Variants in ADA2 observed in about 807,000 individuals in gnomAD.
ADA2 encodes the protein adenosine deaminase 2.
ADA2 carries 29 observed loss-of-function variants against 44.2 expected under a neutral mutation model. The ratio of observed to expected loss-of-function variants is 0.66; its 90% CI spans 0.49 to 0.89. ADA2 has a LOEUF of 0.89. ADA2 is among the 40% of genes least tolerant of loss of function. The pLI is 0.00. For synonymous variants in ADA2, 215 were observed against 234.9 expected (o/e 0.92, Z 0.77); for missense variants, 637 against 644.8 (o/e 0.99, Z 0.13).
At chr22:17,183,238 C>A (rs1462269628) in intron 7 of ADA2, among the ~76,000 whole-genome samples, 1 of 152,050 alleles carries the variant, frequency 6.6e-6, no homozygotes, top group Non-Finnish European at 1.5e-5. Flanking sequence ...CACACGCCAC[C>A]ACGCCCAGAT....
chr22:17,202,638 A>G (rs1246875626), intron 4 of ADA2, among the ~76,000 whole-genome samples: 2 of 152,182 alleles, frequency 1.3e-5, no homozygotes, highest in African/African-American at 4.8e-5. Flanking sequence ...CCTAAAAAGA[A>G]ACCTGTGGCC....
chr22:17,199,750 C>T, intron 4 of ADA2: 2 of 1,463,182 alleles, frequency 1.4e-6, no homozygotes. Flanking sequence ...CTTCATCAAG[C>T]TCTTTGACCT....
chr22:17,204,764 C>T (rs1399201003), intron 3 of ADA2, among the ~76,000 whole-genome samples: 4 of 151,856 alleles, frequency 2.6e-5, no homozygotes, highest in Non-Finnish European at 4.4e-5. Flanking sequence ...AGACTTCCAG[C>T]CTCCAGAACC....
chr22:17,196,218 G>A lies in ADA2; in HGVS notation c.754-4408C>T, dbSNP rs568544515. On this transcript the variant is annotated intron_variant, in intron 4 of 9. Coordinates refer to ENST00000399837, the MANE Select transcript of ADA2 (RefSeq NM_001282225.2). Reference sequence around the variant, plus strand: ...TTGCTGTAATCCCAGCTACTCGGGAGGCTGATGCAGGAGAATCACTTGAAC... The same window carrying A: ...TTGCTGTAATCCCAGCTACTCGGGAAGCTGATGCAGGAGAATCACTTGAAC... 4.0e-5 allele frequency among the ~76,000 whole-genome samples: 6 copies of A among 151,796 alleles called. No individual in the cohort carries two copies. In the East Asian group the frequency reaches 9.7e-4, roughly 25 times the overall value.
chr22:17,188,226 CAGGA>C, intron 7 of ADA2, 109 bp downstream of exon 7: 2 of 669,164 alleles, frequency 3.0e-6, no homozygotes, highest in Non-Finnish European at 5.2e-6. Context: ...AGATAGAGCA[CAGGA>C]AAGGGCTCTG....
intron 4 of ADA2, among the ~76,000 whole-genome samples, chr22:17,196,879 G>C (rs781096973): frequency 1.3e-5 from 2 of 152,154 alleles, no homozygotes; most frequent in Non-Finnish European, 2.9e-5. Flanking sequence ...CTGCTTAAAA[G>C]AAGATCTCTG....
intron 4 of ADA2, chr22:17,199,442 C>CCCCACCCTCCCCACCTCTATACTCATA: frequency 9.8e-7 from 1 of 1,022,722 alleles, no homozygotes; most frequent in Non-Finnish European, 1.5e-6. Flanking sequence ...CTATCCTCTT[C>CCCCACCCTCCCCACCTCTATACTCATA]CCCTCCACCC....
At chr22:17,194,757 G>A (rs2123667641) in intron 4 of ADA2, among the ~76,000 whole-genome samples, 1 of 151,946 alleles carries the variant, frequency 6.6e-6, no homozygotes, top group African/African-American at 2.4e-5. Flanking sequence ...TGTTCATTCA[G>A]GATCTAGTAT....
intron 1 of ADA2, among the ~76,000 whole-genome samples, chr22:17,218,479 A>G (rs570669957): frequency 3.2e-4 from 49 of 152,182 alleles, no homozygotes; most frequent in African/African-American, 1.2e-3. Flanking sequence ...GCCTGCTACT[A>G]AAATCTCTAG....
Position 17,193,358 on chromosome 22 carries a change from CAAAAAAAAAAAA to C in ADA2, c.754-1560_754-1549del, listed in dbSNP as rs71200244. 9 of 66,370 alleles carry C rather than the reference CAAAAAAAAAAAA, an allele frequency of 1.4e-4. 1 individual carries two copies. Among genetic ancestry groups the C allele is most frequent in the East Asian group, 5.9e-4 (3 of 5,126 alleles). 4.1% of individuals were successfully genotyped at this position (66,370 alleles called of 1,614,324 possible). On this transcript the variant is annotated intron_variant, in intron 4 of 9. Coordinates refer to ENST00000399837, the MANE Select transcript of ADA2 (RefSeq NM_001282225.2). ...TGTTTAAATAAAACCGTAAAAACTGCAAAAAAAAAAAAAAAAAAAAAAAAAAAGGACAGCGCG... is the reference window on the plus strand; with the variant it reads ...TGTTTAAATAAAACCGTAAAAACTGCAAAAAAAAAAAAAAAGGACAGCGCG...
intron 4 of ADA2, among the ~76,000 whole-genome samples, chr22:17,197,969 C>T (rs923896902): frequency 2.0e-5 from 3 of 150,218 alleles, no homozygotes; most frequent in Non-Finnish European, 4.4e-5. Flanking sequence ...ACCCGGGAGG[C>T]GGAGGTTGCG....
chr22:17,188,270 A>C (rs1237909368), intron 7 of ADA2, 69 bp downstream of exon 7: 3 of 1,145,884 alleles, frequency 2.6e-6, no homozygotes, highest in Non-Finnish European at 3.9e-6. Flanking sequence ...ACCCTGAGGC[A>C]TGGGCCTGTG....
chr22:17,203,497 C>A (rs1408217109), intron 4 of ADA2, 66 bp downstream of exon 4: 4 of 1,299,058 alleles, frequency 3.1e-6, no homozygotes, highest in Non-Finnish European at 3.3e-6. Context: ...AGTCTTCTAC[C>A]AGCTAAGATC....
At chr22:17,199,446 T>TCCCTCCCCTCCCCTATCCCCTTCCCCC in intron 4 of ADA2, 1 of 917,628 alleles carries the variant, frequency 1.1e-6, no homozygotes. Context: ...CCTCTTCCCC[T>TCCCTCCCCTCCCCTATCCCCTTCCCCC]CCACCCACGA....
chr22:17,200,721 A>G (rs1282175678), intron 4 of ADA2, among the ~76,000 whole-genome samples: 3 of 151,940 alleles, frequency 2.0e-5, no homozygotes, highest in Non-Finnish European at 4.4e-5. Flanking sequence ...GTCTCTACTA[A>G]TAATACAAAA....
chr22:17,183,285 A>G lies in ADA2; in HGVS notation c.1082-524T>C, dbSNP rs1313173434. 9.2e-5 allele frequency among the ~76,000 whole-genome samples: 14 copies of G among 152,054 alleles called. No individual in the cohort carries two copies. In the East Asian group the frequency reaches 2.5e-3, roughly 27 times the overall value. ...TTTTTAGTAGAGACAGGGTTTCACC[A>G]TGTTGGCCAGGATGGTCTTGATTTC... is the stretch of plus-strand genomic sequence containing the variant. On this transcript the variant is annotated intron_variant, in intron 7 of 9. Coordinates refer to ENST00000399837, the MANE Select transcript of ADA2 (RefSeq NM_001282225.2).
chr22:17,207,288 C>G lies in ADA2; in HGVS notation c.325G>C (p.Ala109Pro). ...CCAATGTCATGGAGGTGCAAGGCAG[C>G]CCCTGGAGAGGGAAGAAGAATGGTG... ...FNILRMMPKGAALHLHDIGIV... is the reference protein window; with the variant it reads ...FNILRMMPKGPALHLHDIGIV... The change falls in exon 3 of 10, where the codon GCT becomes CCT. Residue 109 changes from alanine (A) to proline (P), a missense_variant and splice_region_variant. Coordinates refer to ENST00000399837, the MANE Select transcript of ADA2 (RefSeq NM_001282225.2). 1 of 1,599,910 alleles carries G rather than the reference C, an allele frequency of 6.3e-7. No homozygotes were observed. The highest frequency in any genetic ancestry group is 8.6e-7 in the Non-Finnish European group (1 of 1,168,794).
intron 1 of ADA2, among the ~76,000 whole-genome samples, chr22:17,211,165 G>T (rs1276376327): frequency 3.3e-5 from 5 of 151,966 alleles, no homozygotes; most frequent in African/African-American, 9.7e-5. Context: ...TTTGAGACCA[G>T]CCTGGCCAAT....
chr22:17,199,446 T>TCCCACCCCTCCTCTAAACTCATCCCCA, intron 4 of ADA2: 2 of 917,628 alleles, frequency 2.2e-6, no homozygotes, highest in Non-Finnish European at 1.7e-6. Flanking sequence ...CCTCTTCCCC[T>TCCCACCCCTCCTCTAAACTCATCCCCA]CCACCCACGA....
Sources: gnomAD v4.1 joint callset for allele counts (sites outside exome capture counted in the v4.1 genomes callset) on GRCh38, gnomAD v4.1.1 for gene constraint, MANE v1.5 for transcripts, NCBI Gene and HGNC (gene_info 2026-07-23, HGNC 2026-07-21) for gene names.